Variants in TAFA1 observed in about 807,000 individuals in gnomAD.
TAFA1 encodes the protein chemokine-like protein TAFA-1.
A neutral mutation model predicts 18.5 loss-of-function variants in TAFA1; 4 were observed. That is an observed-to-expected ratio of 0.22 (90% CI 0.11 to 0.49). The LOEUF (loss-of-function observed/expected upper bound fraction) is 0.49. TAFA1 is among the 20% of genes least tolerant of loss of function. TAFA1 has a pLI of 0.98. For missense variants in TAFA1, 147 were observed against 169.0 expected (o/e 0.87, Z 0.72); for synonymous variants, 56 against 55.2 (o/e 1.01, Z -0.06).
chr3:68,198,967 C>T (rs941959760), intron 2 of TAFA1, among the ~76,000 whole-genome samples: 1 of 151,404 alleles, frequency 6.6e-6, no homozygotes, highest in Non-Finnish European at 1.5e-5. Context: ...TCTAGAATTT[C>T]TTTTATGTTA....
At chr3:68,048,005 C>A (rs1298919965) in intron 2 of TAFA1, among the ~76,000 whole-genome samples, 1 of 151,986 alleles carries the variant, frequency 6.6e-6, no homozygotes, top group Non-Finnish European at 1.5e-5. Flanking sequence ...GAGGAGGAAC[C>A]CAAGCTTAAT....
At chr3:68,165,127 T>G (rs1284318899) in intron 2 of TAFA1, among the ~76,000 whole-genome samples, 2 of 152,234 alleles carry the variant, frequency 1.3e-5, no homozygotes, top group African/African-American at 4.8e-5. Context: ...AAGTCCATGA[T>G]GTTTTGTGCA....
At chr3:68,233,492 G>C (rs374364344) in intron 2 of TAFA1, among the ~76,000 whole-genome samples, 98 of 152,182 alleles carry the variant, frequency 6.4e-4, no homozygotes, top group African/African-American at 2.2e-3. Context: ...TGGCCTATGT[G>C]TCTGTTTTTA....
At chr3:68,419,488 AC>A (rs2070914558) in intron 3 of TAFA1, among the ~76,000 whole-genome samples, 1 of 152,178 alleles carries the variant, frequency 6.6e-6, no homozygotes, top group Admixed American at 6.5e-5. Flanking sequence ...TTTATATGTT[AC>A]TGTCAAACAA....
chr3:68,450,740 GT>G, intron 3 of TAFA1, among the ~76,000 whole-genome samples: 1 of 152,328 alleles, frequency 6.6e-6, no homozygotes, highest in East Asian at 1.9e-4. Flanking sequence ...TTTCAGTAGA[GT>G]TATAAGGACA....
At chr3:68,078,802 G>A (rs568784276) in intron 2 of TAFA1, among the ~76,000 whole-genome samples, 292 of 152,290 alleles carry the variant, frequency 1.9e-3, no homozygotes, top group Non-Finnish European at 3.5e-3. Flanking sequence ...CCTGGCTTTG[G>A]TATCAGAATG....
chr3:68,451,521 G>A (rs527743896), intron 3 of TAFA1, among the ~76,000 whole-genome samples: 1 of 152,298 alleles, frequency 6.6e-6, no homozygotes, highest in South Asian at 2.1e-4. Context: ...AGGAAAAAAA[G>A]GCTATTAGGC....
chr3:68,066,215 G>A lies in TAFA1; in HGVS notation c.118+59471G>A, dbSNP rs190160774. Among the ~76,000 whole-genome samples, 321 of 152,184 alleles carry A rather than the reference G, an allele frequency of 2.1e-3. 1 individual carries two copies. The highest frequency in any genetic ancestry group is 3.8e-3 in the Non-Finnish European group (261 of 68,016). On this transcript the variant is annotated intron_variant, in intron 2 of 4. Coordinates refer to ENST00000478136, the MANE Select transcript of TAFA1 (RefSeq NM_213609.4). ...ATTATATATCAATAAAGCCGTATGTGTCATATATGTATGTACACATTTCTG... is the reference window on the plus strand; with the variant it reads ...ATTATATATCAATAAAGCCGTATGTATCATATATGTATGTACACATTTCTG...
chr3:68,079,778 A>T (rs2064872989), intron 2 of TAFA1, among the ~76,000 whole-genome samples: 1 of 152,126 alleles, frequency 6.6e-6, no homozygotes, highest in Non-Finnish European at 1.5e-5. Flanking sequence ...GCTGAAAAAA[A>T]TGTATATTCT....
At chr3:68,040,126 T>C (rs1262114087) in intron 2 of TAFA1, among the ~76,000 whole-genome samples, 3 of 152,232 alleles carry the variant, frequency 2.0e-5, no homozygotes, top group African/African-American at 7.2e-5. Context: ...TTTGTGTTTA[T>C]GGCTATATTT....
intron 2 of TAFA1, among the ~76,000 whole-genome samples, chr3:68,340,588 T>TA (rs796262274): frequency 3.3e-5 from 5 of 152,104 alleles, no homozygotes; most frequent in African/African-American, 1.2e-4. Context: ...GATGGGCACA[T>TA]ATTCTGTGTA....
intron 2 of TAFA1, among the ~76,000 whole-genome samples, chr3:68,018,385 T>G (rs942860757): frequency 6.6e-6 from 1 of 152,236 alleles, no homozygotes; most frequent in African/African-American, 2.4e-5. Flanking sequence ...ACTGTTGATT[T>G]CAAACATCTG....
intron 3 of TAFA1, among the ~76,000 whole-genome samples, chr3:68,492,044 C>T (rs1002207574): frequency 6.6e-6 from 1 of 152,130 alleles, no homozygotes; most frequent in East Asian, 1.9e-4. Flanking sequence ...CCTTAGTCTA[C>T]GTACAAGCAG....
At chr3:68,397,337 G>A (rs1198438136) in intron 2 of TAFA1, among the ~76,000 whole-genome samples, 3 of 152,078 alleles carry the variant, frequency 2.0e-5, no homozygotes, top group Non-Finnish European at 2.9e-5. Flanking sequence ...ACAGGCCCCG[G>A]TGTGTGATGT....
At chr3:68,156,407 G>T (rs1420041700) in intron 2 of TAFA1, among the ~76,000 whole-genome samples, 1 of 152,118 alleles carries the variant, frequency 6.6e-6, no homozygotes, top group Non-Finnish European at 1.5e-5. Flanking sequence ...GTTCTTGTTT[G>T]TCTGCTTGGT....
chr3:68,278,660 C>T (rs1427334024), intron 2 of TAFA1, among the ~76,000 whole-genome samples: 4 of 152,040 alleles, frequency 2.6e-5, no homozygotes, highest in Non-Finnish European at 5.9e-5. Context: ...AGCTGTAAGC[C>T]CAGGTGTCCC....
intron 2 of TAFA1, among the ~76,000 whole-genome samples, chr3:68,245,933 C>G (rs1044040510): frequency 6.6e-6 from 1 of 152,092 alleles, no homozygotes; most frequent in African/African-American, 2.4e-5. Context: ...GGTAATAAAG[C>G]GGGTATGGTA....
intron 2 of TAFA1, among the ~76,000 whole-genome samples, chr3:68,030,878 T>A (rs990411007): frequency 1.3e-5 from 2 of 152,176 alleles, no homozygotes; most frequent in Non-Finnish European, 2.9e-5. Context: ...CTTGTAGCAA[T>A]GTACCCTTAG....
At chr3:68,241,052 A>G (rs2066991231) in intron 2 of TAFA1, among the ~76,000 whole-genome samples, 2 of 152,178 alleles carry the variant, frequency 1.3e-5, no homozygotes, top group African/African-American at 4.8e-5. Flanking sequence ...ATAGATATAA[A>G]TCGTCACAGC....
Sources: gnomAD v4.1 joint callset for allele counts (sites outside exome capture counted in the v4.1 genomes callset) on GRCh38, gnomAD v4.1.1 for gene constraint, MANE v1.5 for transcripts, NCBI Gene and HGNC (gene_info 2026-07-23, HGNC 2026-07-21) for gene names.